OSBPL9: variants seen among roughly 807,000 people sequenced by gnomAD.
OSBPL9 encodes oxysterol binding protein like 9, also known as oxysterol-binding protein-related protein 9.
A neutral mutation model predicts 106.6 loss-of-function variants in OSBPL9; 40 were observed. The ratio of observed to expected loss-of-function variants is 0.38; its 90% confidence interval spans 0.29 to 0.49. The LOEUF (loss-of-function observed/expected upper bound fraction) is 0.49, where lower values mean the gene tolerates loss of function less well. Among genes scored for constraint, OSBPL9 ranks in the 20% least tolerant of loss-of-function variants. The pLI is 0.97. For synonymous variants in OSBPL9, 269 were observed against 295.4 expected (o/e 0.91, Z 0.92); for missense variants, 609 against 887.2 (o/e 0.69, Z 3.98).
intron 4 of OSBPL9, among the ~76,000 whole-genome samples, chr1:51,738,429 G>A (rs1462456696): frequency 6.6e-6 from 1 of 151,888 alleles, no homozygotes; most frequent in Non-Finnish European, 1.5e-5. Context: ...GTTTTTCAAA[G>A]CACTAACATA....
the OSBPL9 span, among the ~76,000 whole-genome samples, chr1:51,568,282 T>C: frequency 1.3e-5 from 2 of 152,196 alleles, no homozygotes; most frequent in Admixed American, 6.5e-5. Context: ...TTTTATACCA[T>C]GTCATTTAAT....
chr1:51,784,496 T>C lies in OSBPL9; in HGVS notation c.1743T>C (p.Cys581=). Residue 581 remains cysteine (C), a synonymous_variant, in exon 20 of 24, where the codon TGT becomes TGC. Transcript: ENST00000428468. ...TAGGAGGAGAATGCAATATTAATTGTTCCAAAACAGGCTATAGTGCAAATA... is the reference window on the plus strand; with the variant it reads ...TAGGAGGAGAATGCAATATTAATTGCTCCAAAACAGGCTATAGTGCAAATA... The part of the protein sequence containing the change: ...VELGGECNIN[C]SKTGYSANII... The C allele has an allele frequency of 6.2e-7, 1 of 1,613,900 alleles. No homozygotes were observed. The highest frequency in any genetic ancestry group is 8.5e-7 in the Non-Finnish European group (1 of 1,179,746).
chr1:51,651,455 T>C (rs1192196341), intron 1 of OSBPL9, among the ~76,000 whole-genome samples: 1 of 151,922 alleles, frequency 6.6e-6, no homozygotes, highest in Non-Finnish European at 1.5e-5. Context: ...ACACAAAAAT[T>C]AGCCGAGCAT....
At chr1:51,571,860 C>G in the OSBPL9 span, among the ~76,000 whole-genome samples, 2 of 152,162 alleles carry the variant, frequency 1.3e-5, no homozygotes, top group Non-Finnish European at 2.9e-5. Context: ...CACCTGCCTT[C>G]TCTCTGAGCC....
intron 2 of OSBPL9, among the ~76,000 whole-genome samples, chr1:51,660,631 C>G (rs1335259921): frequency 6.6e-6 from 1 of 152,208 alleles, no homozygotes; most frequent in Non-Finnish European, 1.5e-5. Flanking sequence ...GCATCTAGGC[C>G]AGTGCCTAGA....
At chr1:51,559,520 G>A in the OSBPL9 span, among the ~76,000 whole-genome samples, 1 of 151,698 alleles carries the variant, frequency 6.6e-6, no homozygotes, top group Non-Finnish European at 1.5e-5. Flanking sequence ...TAGTCTCTTG[G>A]GCTTCACTGC....
chr1:51,715,569 A>G (rs994274632), intron 4 of OSBPL9, among the ~76,000 whole-genome samples: 5 of 151,932 alleles, frequency 3.3e-5, no homozygotes, highest in African/African-American at 9.7e-5. Flanking sequence ...CTCAGCCACC[A>G]CACCTGGCCT....
chr1:51,772,014 A>G, intron 12 of OSBPL9, 56 bp from the exon 13 acceptor site: 1 of 1,319,060 alleles, frequency 7.6e-7, no homozygotes, highest in South Asian at 1.3e-5. Flanking sequence ...AGTCTAGCTT[A>G]CTATGATTCT....
chr1:51,621,067 A>G (rs1282101570), intron 1 of OSBPL9, among the ~76,000 whole-genome samples: 2 of 152,200 alleles, frequency 1.3e-5, no homozygotes, highest in Non-Finnish European at 2.9e-5. Context: ...ACTAAAGAGG[A>G]CGGTAAAATG....
chr1:51,788,151 G>A lies in OSBPL9; in HGVS notation c.*362G>A, dbSNP rs1000156306. ...CTTGTTTCTTAGTTCATATAATCTC[G>A]GGATACACACACACACACACATATA... On this transcript the variant is annotated 3_prime_UTR_variant, in exon 24 of 24. Coordinates refer to ENST00000428468, the MANE Select transcript of OSBPL9 (RefSeq NM_024586.6). The A allele has an allele frequency of 4.1e-6, 1 of 243,248 alleles. No individual in the cohort carries two copies. Among genetic ancestry groups the A allele is most frequent in the Non-Finnish European group, 8.0e-6 (1 of 124,302 alleles). 15.1% of individuals were successfully genotyped at this position (243,248 alleles called of 1,614,324 possible).
the OSBPL9 span, among the ~76,000 whole-genome samples, chr1:51,530,185 A>AAAAAG: frequency 1.6e-3 from 167 of 101,686 alleles, 10 homozygotes; most frequent in Non-Finnish European, 2.8e-3. Context: ...AAAAAAAAAA[A>AAAAAG]AAAAAAACAA....
chr1:51,732,594 C>T (rs1664709885), intron 4 of OSBPL9, among the ~76,000 whole-genome samples: 1 of 152,122 alleles, frequency 6.6e-6, no homozygotes, highest in Non-Finnish European at 1.5e-5. Flanking sequence ...GTCACCAGGT[C>T]CTGTTATGTT....
At chr1:51,541,726 T>C in the OSBPL9 span, among the ~76,000 whole-genome samples, 1 of 152,164 alleles carries the variant, frequency 6.6e-6, no homozygotes, top group East Asian at 1.9e-4. Flanking sequence ...CAAAAGTTGT[T>C]GCAGCAGAAG....
intron 8 of OSBPL9, among the ~76,000 whole-genome samples, chr1:51,751,978 T>G (rs1206713193): frequency 1.3e-5 from 2 of 152,220 alleles, no homozygotes; most frequent in African/African-American, 4.8e-5. Context: ...TTATTGTTGT[T>G]AAGTCTTCTT....
chr1:51,584,388 A>G (rs2148599707), intron 1 of OSBPL9, among the ~76,000 whole-genome samples: 1 of 152,206 alleles, frequency 6.6e-6, no homozygotes, highest in South Asian at 2.1e-4. Context: ...CATTTTCCCC[A>G]TCTGTACAAT....
chr1:51,772,511 A>G, intron 13 of OSBPL9, 94 bp from the exon 14 acceptor site: 3 of 1,038,464 alleles, frequency 2.9e-6, no homozygotes, highest in Non-Finnish European at 4.5e-6. Flanking sequence ...ATGAGACTCC[A>G]TCTCAAACAA....
chr1:51,655,677 A>C (rs915462716), intron 2 of OSBPL9, among the ~76,000 whole-genome samples: 3 of 152,202 alleles, frequency 2.0e-5, no homozygotes, highest in Admixed American at 2.0e-4. Context: ...TCTGCCTACT[A>C]CACAGCATGA....
chr1:51,712,125 T>G (rs1016353719), intron 3 of OSBPL9, among the ~76,000 whole-genome samples: 3 of 152,002 alleles, frequency 2.0e-5, no homozygotes, highest in Non-Finnish European at 4.4e-5. Context: ...TGGGCACCAT[T>G]GAGCACTGAG....
At chr1:51,551,514 T>A in the OSBPL9 span, among the ~76,000 whole-genome samples, 1 of 152,224 alleles carries the variant, frequency 6.6e-6, no homozygotes, top group Admixed American at 6.5e-5. Context: ...ACAGATAGTA[T>A]AAACAAAGTT....
Sources: allele counts gnomAD v4.1 joint callset (sites outside exome capture counted in the v4.1 genomes callset), GRCh38; gene constraint gnomAD v4.1.1; transcripts MANE v1.5; gene names NCBI Gene and HGNC (gene_info 2026-07-23, HGNC 2026-07-21).